Variants in ROR1 observed in about 807,000 individuals in gnomAD.
The protein encoded by ROR1 is ROR family WNT receptor 1, also known as inactive tyrosine-protein kinase transmembrane receptor ROR1.
In ROR1, 19 loss-of-function variants were observed where a neutral mutation model predicts 78.8. That is an observed-to-expected ratio of 0.24 (90% CI 0.17 to 0.35). The LOEUF is 0.35. Among genes scored for constraint, ROR1 ranks in the 10% least tolerant of loss-of-function variants. ROR1 has a pLI of 1.00. For synonymous variants in ROR1, 386 were observed against 433.6 expected (o/e 0.89, Z 1.36); for missense variants, 917 against 1,177.8 (o/e 0.78, Z 3.24).
intron 4 of ROR1, among the ~76,000 whole-genome samples, chr1:64,076,902 C>A (rs1322407355): frequency 6.6e-6 from 1 of 152,066 alleles, no homozygotes; most frequent in Non-Finnish European, 1.5e-5. Flanking sequence ...TTTTACTTAG[C>A]TATTAGTTAA....
intron 1 of ROR1, 92 bp from the exon 2 acceptor site, chr1:64,009,213 T>C: frequency 1.0e-6 from 1 of 976,858 alleles, no homozygotes; most frequent in South Asian, 1.3e-5. Context: ...GGCAGGCCCT[T>C]TGGAAATCTC....
At chr1:63,966,564 A>G (rs1381520391) in intron 1 of ROR1, among the ~76,000 whole-genome samples, 1 of 152,230 alleles carries the variant, frequency 6.6e-6, no homozygotes. Flanking sequence ...GAAAGGCTGA[A>G]TGGGTCTCTT....
chr1:63,938,873 C>T (rs986093970), intron 1 of ROR1, among the ~76,000 whole-genome samples: 5 of 151,988 alleles, frequency 3.3e-5, no homozygotes, highest in Non-Finnish European at 5.9e-5. Context: ...TGGCACATGC[C>T]TGTAGTCCCA....
intron 1 of ROR1, among the ~76,000 whole-genome samples, chr1:63,984,776 T>C (rs934040972): frequency 2.6e-5 from 4 of 152,218 alleles, no homozygotes; most frequent in African/African-American, 9.6e-5. Flanking sequence ...GTTGGATAGC[T>C]GAACATGGAC....
intron 1 of ROR1, among the ~76,000 whole-genome samples, chr1:63,988,867 T>C (rs962317325): frequency 8.5e-5 from 13 of 152,252 alleles, no homozygotes; most frequent in African/African-American, 2.2e-4. Context: ...ATGCACATTT[T>C]GTTTATCCAT....
chr1:63,944,279 AAATCTCTTCCTTTCAG>A (rs1179434837), intron 1 of ROR1, among the ~76,000 whole-genome samples: 1 of 152,216 alleles, frequency 6.6e-6, no homozygotes, highest in Non-Finnish European at 1.5e-5. Flanking sequence ...ATTAAAAGGA[AAATCTCTTCCTTTCAG>A]AAGGTTGAAA....
At chr1:64,123,424 G>A (rs2100690645) in intron 4 of ROR1, among the ~76,000 whole-genome samples, 1 of 152,262 alleles carries the variant, frequency 6.6e-6, no homozygotes. Context: ...ACTGTGCCTG[G>A]CATGACATGA....
At chr1:63,821,643 C>G (rs948683601) in intron 1 of ROR1, among the ~76,000 whole-genome samples, 1 of 152,196 alleles carries the variant, frequency 6.6e-6, no homozygotes, top group African/African-American at 2.4e-5. Flanking sequence ...CCAGTTATTA[C>G]ATAAGCTGAA....
At chr1:64,011,486 G>T (rs1646474255) in intron 2 of ROR1, among the ~76,000 whole-genome samples, 1 of 152,176 alleles carries the variant, frequency 6.6e-6, no homozygotes, top group Non-Finnish European at 1.5e-5. Flanking sequence ...CAATAGAAAA[G>T]CATCAATGTG....
intron 1 of ROR1, among the ~76,000 whole-genome samples, chr1:64,008,196 A>G (rs769813218): frequency 4.6e-5 from 7 of 152,116 alleles, no homozygotes; most frequent in Non-Finnish European, 8.8e-5. Context: ...ACTCCCACTT[A>G]TAAGTGAGAA....
chr1:64,028,827 C>T (rs1646637020), intron 2 of ROR1: 1 of 152,190 alleles, frequency 6.6e-6, no homozygotes, highest in South Asian at 2.1e-4. Flanking sequence ...TTAAAATGTA[C>T]AGTTAAATTA....
intron 1 of ROR1, among the ~76,000 whole-genome samples, chr1:63,882,134 T>G (rs1283593981): frequency 2.6e-5 from 4 of 151,896 alleles, no homozygotes; most frequent in Non-Finnish European, 5.9e-5. Context: ...TCCCCCCCGG[T>G]GAATAAACAA....
intron 7 of ROR1, among the ~76,000 whole-genome samples, chr1:64,151,387 C>T: frequency 6.6e-6 from 1 of 152,162 alleles, no homozygotes; most frequent in Middle Eastern, 3.2e-3. Context: ...TGGCAAATGA[C>T]TCCCATAGGT....
chr1:64,068,121 G>A (rs972638844), intron 4 of ROR1, among the ~76,000 whole-genome samples: 4 of 152,128 alleles, frequency 2.6e-5, no homozygotes, highest in African/African-American at 9.7e-5. Context: ...TTTACAAAAT[G>A]CTGTCAATTA....
intron 1 of ROR1, among the ~76,000 whole-genome samples, chr1:63,991,243 C>T (rs1646293928): frequency 6.6e-6 from 1 of 152,194 alleles, no homozygotes; most frequent in African/African-American, 2.4e-5. Flanking sequence ...AGCCACCGTG[C>T]CCAGCCTAAA....
chr1:63,786,853 G>A (rs984343140), intron 1 of ROR1, among the ~76,000 whole-genome samples: 7 of 152,086 alleles, frequency 4.6e-5, no homozygotes, highest in African/African-American at 1.2e-4. Context: ...CGAGGGAGAC[G>A]TCCTGTGTAA....
intron 4 of ROR1, among the ~76,000 whole-genome samples, chr1:64,113,314 A>G (rs1273425000): frequency 1.3e-5 from 2 of 152,216 alleles, no homozygotes; most frequent in Admixed American, 6.5e-5. Flanking sequence ...GAGGCACACC[A>G]TATCTATGGA....
chr1:64,150,025 C>CTTGA (rs567869264), intron 7 of ROR1, among the ~76,000 whole-genome samples: 28 of 152,094 alleles, frequency 1.8e-4, no homozygotes, highest in Non-Finnish European at 3.5e-4. Context: ...TTGTTTCTTT[C>CTTGA]TTGATTTGTA....
chr1:64,123,580 T>C (rs1648616074), intron 4 of ROR1, among the ~76,000 whole-genome samples: 1 of 152,078 alleles, frequency 6.6e-6, no homozygotes, highest in Admixed American at 6.6e-5. Flanking sequence ...ACAGAAAAAG[T>C]GCTAAAAATG....
Sources: gnomAD v4.1 joint callset for allele counts (sites outside exome capture counted in the v4.1 genomes callset) on GRCh38, gnomAD v4.1.1 for gene constraint, MANE v1.5 for transcripts, NCBI Gene and HGNC (gene_info 2026-07-23, HGNC 2026-07-21) for gene names.